The following FIG4 variants were observed in gnomAD, a reference collection of about 807,000 sequenced individuals.
FIG4 encodes FIG4 phosphoinositide 5-phosphatase.
FIG4 carries 112 observed loss-of-function variants against 118.6 expected under a neutral mutation model. That is an observed-to-expected ratio of 0.94 (90% CI 0.81 to 1.11). FIG4 has a LOEUF of 1.11. FIG4 is among the 50% of genes least tolerant of loss of function. FIG4 has a pLI of 0.00. For missense variants in FIG4, 969 were observed against 1,111.7 expected (o/e 0.87, Z 1.83); for synonymous variants, 369 against 381.2 (o/e 0.97, Z 0.37).
chr6:109,799,054 CAT>C (rs1778362848), intron 22 of FIG4, among the ~76,000 whole-genome samples: 2 of 152,158 alleles, frequency 1.3e-5, no homozygotes, highest in Non-Finnish European at 2.9e-5. Flanking sequence ...ATGAAATGAA[CAT>C]AGCATACAAA....
chr6:109,798,056 A>G (rs1399035542), intron 22 of FIG4, among the ~76,000 whole-genome samples: 1 of 152,096 alleles, frequency 6.6e-6, no homozygotes, highest in Non-Finnish European at 1.5e-5. Flanking sequence ...TGTTTATTTG[A>G]ATAGGTATTG....
At chr6:109,700,819 G>C (rs1290346184) in intron 1 of FIG4, among the ~76,000 whole-genome samples, 3 of 152,322 alleles carry the variant, frequency 2.0e-5, no homozygotes, top group African/African-American at 4.8e-5. Flanking sequence ...TGTCTATAAG[G>C]TGTATATGAA....
intron 10 of FIG4, among the ~76,000 whole-genome samples, chr6:109,744,802 C>G (rs1021734766): frequency 2.6e-5 from 4 of 151,532 alleles, no homozygotes; most frequent in African/African-American, 7.3e-5. Flanking sequence ...CCCCCCACCC[C>G]CCAACAGGCC....
chr6:109,700,994 A>G (rs1006117617), intron 1 of FIG4, among the ~76,000 whole-genome samples: 2 of 152,232 alleles, frequency 1.3e-5, no homozygotes, highest in African/African-American at 4.8e-5. Flanking sequence ...TAGGAGACAC[A>G]TTAAGAAGCA....
At chr6:109,817,555 C>T (rs1778893828) in intron 22 of FIG4, among the ~76,000 whole-genome samples, 1 of 146,282 alleles carries the variant, frequency 6.8e-6, no homozygotes, top group African/African-American at 2.5e-5. Flanking sequence ...TTTTACAGCT[C>T]TCAGAGAGTG....
intron 10 of FIG4, among the ~76,000 whole-genome samples, chr6:109,751,901 A>T (rs556616760): frequency 6.7e-6 from 1 of 148,816 alleles, no homozygotes; most frequent in South Asian, 2.1e-4. Context: ...GATTAGTTAC[A>T]TATGTATACA....
chr6:109,764,443 G>GA (rs71018365), intron 13 of FIG4, among the ~76,000 whole-genome samples: 380 of 128,818 alleles, frequency 2.9e-3, no homozygotes, highest in Non-Finnish European at 3.9e-3. Flanking sequence ...GTCTCAGAAA[G>GA]AAAAAAAAAA....
At chr6:109,798,827 G>A (rs1301598754) in intron 22 of FIG4, among the ~76,000 whole-genome samples, 2 of 138,180 alleles carry the variant, frequency 1.4e-5, no homozygotes, top group African/African-American at 2.7e-5. Context: ...TTTTTTTTTT[G>A]TTTGGCATAT....
At position 109,786,288 on chromosome 6, in the gene FIG4, A is replaced by G; in HGVS notation, c.1949-14A>G. Reference sequence around the variant, plus strand: ...ATCTCAGACTTTTAGAGTAACATGCAGTATCTCTCTTAGTTATCTGTGCTG... The same window carrying G: ...ATCTCAGACTTTTAGAGTAACATGCGGTATCTCTCTTAGTTATCTGTGCTG... On this transcript the variant is annotated splice_polypyrimidine_tract_variant and intron_variant, in intron 17 of 22. Coordinates refer to ENST00000230124, the MANE Select transcript of FIG4 (RefSeq NM_014845.6). 6.2e-7 allele frequency: 1 copy of G among 1,605,632 alleles called. No individual in the cohort carries two copies. The highest frequency in any genetic ancestry group is 8.5e-7 in the Non-Finnish European group (1 of 1,172,830).
chr6:109,695,380 T>C (rs1406249960), intron 1 of FIG4, among the ~76,000 whole-genome samples: 1 of 152,224 alleles, frequency 6.6e-6, no homozygotes, highest in Non-Finnish European at 1.5e-5. Context: ...CTAATTATTT[T>C]CCATTGAAAC....
chr6:109,707,962 A>G (rs2128379775), intron 1 of FIG4, among the ~76,000 whole-genome samples: 1 of 146,734 alleles, frequency 6.8e-6, no homozygotes, highest in South Asian at 2.2e-4. Context: ...ATTTTTCTAC[A>G]TTTTGATTAT....
At chr6:109,823,733 G>A (rs1303934352) in intron 22 of FIG4, among the ~76,000 whole-genome samples, 2 of 152,058 alleles carry the variant, frequency 1.3e-5, no homozygotes, top group Non-Finnish European at 2.9e-5. Flanking sequence ...GGCATCCAGG[G>A]TGCATTTCTG....
At chr6:109,783,865 T>C (rs1267669887) in intron 16 of FIG4, among the ~76,000 whole-genome samples, 1 of 152,200 alleles carries the variant, frequency 6.6e-6, no homozygotes, top group East Asian at 1.9e-4. Context: ...ATAACTTCAG[T>C]CTAAAACAAA....
At chr6:109,818,637 G>C (rs549200781) in intron 22 of FIG4, among the ~76,000 whole-genome samples, 6 of 152,236 alleles carry the variant, frequency 3.9e-5, no homozygotes, top group African/African-American at 1.2e-4. Context: ...ATATATGAGG[G>C]TTGGTGCTAT....
intron 22 of FIG4, among the ~76,000 whole-genome samples, chr6:109,808,558 A>G (rs1344218819): frequency 1.3e-5 from 2 of 152,172 alleles, no homozygotes; most frequent in Non-Finnish European, 2.9e-5. Flanking sequence ...TCTTGAGGAA[A>G]AGGACTTGTG....
intron 9 of FIG4, 100 bp downstream of exon 9, chr6:109,743,372 GT>G: frequency 8.5e-7 from 1 of 1,177,068 alleles, no homozygotes; most frequent in Non-Finnish European, 1.3e-6. Context: ...TTTTCAGGAG[GT>G]TTTAGTCCTG....
intron 22 of FIG4, among the ~76,000 whole-genome samples, chr6:109,811,226 G>C (rs1263145527): frequency 1.3e-5 from 2 of 152,156 alleles, no homozygotes; most frequent in East Asian, 3.9e-4. Context: ...GGACCAATAA[G>C]TGAAACATAT....
At chr6:109,700,159 A>G (rs1774863590) in intron 1 of FIG4, among the ~76,000 whole-genome samples, 2 of 152,248 alleles carry the variant, frequency 1.3e-5, no homozygotes. Flanking sequence ...TACCATAGCA[A>G]TCAACTTATC....
intron 22 of FIG4, among the ~76,000 whole-genome samples, chr6:109,812,514 G>A (rs1338595340): frequency 6.6e-6 from 1 of 152,216 alleles, no homozygotes; most frequent in East Asian, 1.9e-4. Context: ...AGCAAAGAGG[G>A]AAATAGGAGG....
Sources: gnomAD v4.1 joint callset for allele counts (sites outside exome capture counted in the v4.1 genomes callset) on GRCh38, gnomAD v4.1.1 for gene constraint, MANE v1.5 for transcripts, NCBI Gene and HGNC (gene_info 2026-07-23, HGNC 2026-07-21) for gene names.